ADGRA2: variants seen among roughly 807,000 people sequenced by gnomAD.
ADGRA2 encodes the protein G-protein coupled receptor 124.
A neutral mutation model predicts 98.7 loss-of-function variants in ADGRA2; 61 were observed. The observed-to-expected ratio is 0.62, with a 90% confidence interval of 0.50 to 0.76. The LOEUF (loss-of-function observed/expected upper bound fraction) is 0.76. Ranked by LOEUF, ADGRA2 falls within the 30% of genes least tolerant of loss-of-function variation. ADGRA2 has a pLI of 0.00. For missense variants in ADGRA2, 1,712 were observed against 1,860.0 expected (o/e 0.92, Z 1.46); for synonymous variants, 858 against 831.5 (o/e 1.03, Z -0.55).
intron 2 of ADGRA2, among the ~76,000 whole-genome samples, chr8:37,825,906 C>G (rs575327197): frequency 6.6e-6 from 1 of 152,244 alleles, no homozygotes; most frequent in South Asian, 2.1e-4. Flanking sequence ...AGGCTCCTCC[C>G]CAGGCGGGCT....
intron 1 of ADGRA2, among the ~76,000 whole-genome samples, chr8:37,810,521 A>T: frequency 6.6e-6 from 1 of 150,860 alleles, no homozygotes; most frequent in East Asian, 2.0e-4. Context: ...AAAAAAAAGA[A>T]AAGAAACAGG....
chr8:37,807,250 C>T (rs1386610153), intron 1 of ADGRA2, among the ~76,000 whole-genome samples: 1 of 152,174 alleles, frequency 6.6e-6, no homozygotes, highest in Admixed American at 6.5e-5. Flanking sequence ...CATTTATGTC[C>T]CTTGCAGTCA....
At chr8:37,838,912 G>A (rs768365632) in intron 14 of ADGRA2, 44 bp from the exon 15 acceptor site, 56 of 1,524,984 alleles carry the variant, frequency 3.7e-5, no homozygotes, top group Middle Eastern at 2.3e-4. Flanking sequence ...GGGGCCTGGC[G>A]AGGTGTCCAC....
intron 7 of ADGRA2, 91 bp from the exon 8 acceptor site, chr8:37,831,332 C>T: frequency 8.4e-7 from 1 of 1,194,168 alleles, no homozygotes; most frequent in East Asian, 2.4e-5. Context: ...AAAAAAGGAC[C>T]TGCAGCTAGT....
chr8:37,810,882 C>G (rs1364277549), intron 1 of ADGRA2, among the ~76,000 whole-genome samples: 1 of 151,718 alleles, frequency 6.6e-6, no homozygotes, highest in Non-Finnish European at 1.5e-5. Flanking sequence ...TTTGGGAGGC[C>G]GAGGCGAGTG....
chr8:37,833,903 TCTCA>T, intron 10 of ADGRA2, 60 bp from the exon 11 acceptor site: 3 of 1,606,160 alleles, frequency 1.9e-6, no homozygotes, highest in Non-Finnish European at 1.7e-6. Context: ...CAAGCCTCTC[TCTCA>T]CTCCAGCTCC....
Position 37,839,156 on chromosome 8 carries a change from C to G in ADGRA2, c.2387+73C>G, listed in dbSNP as rs1473435002. ...GGCCCCTACCCTGTCCACTTCCCGT[C>G]CTATGCTCCGGTACATACTTTCAAT... On this transcript the variant is annotated intron_variant, in intron 15 of 18. Coordinates refer to ENST00000412232, the MANE Select transcript of ADGRA2 (RefSeq NM_032777.10). 3.2e-6 allele frequency: 5 copies of G among 1,563,824 alleles called. No homozygotes were observed. In the African/African-American group the frequency reaches 6.8e-5, roughly 21 times the overall value.
rs7827169 is a variant in ADGRA2 at position 37,798,711 on chromosome 8, C to T, written c.266+1177C>T. 2.5e-3 allele frequency among the ~76,000 whole-genome samples: 374 copies of T among 152,372 alleles called. 5 individuals carry two copies. Among genetic ancestry groups the T allele is most frequent in the African/African-American group, 8.2e-3 (341 of 41,598 alleles). ...GCTGGCCCAGTCTTTTCGATTGTGT[C>T]CAGAACAATACAGTAACGCCTCTGG... On this transcript the variant is annotated intron_variant, in intron 1 of 18. Coordinates refer to ENST00000412232, the MANE Select transcript of ADGRA2 (RefSeq NM_032777.10).
In ADGRA2 at chr8:37,830,088, C is replaced by T. The variant is rs1204502095; in HGVS notation, c.718+74C>T. 4.0e-6 allele frequency: 4 copies of T among 1,012,648 alleles called. No individual in the cohort carries two copies. Among genetic ancestry groups the T allele is most frequent in the African/African-American group, 1.6e-5 (1 of 61,790 alleles). 62.7% of individuals were successfully genotyped at this position (1,012,648 alleles called of 1,614,324 possible). On this transcript the variant is annotated intron_variant, in intron 6 of 18. Transcript: ENST00000412232. This position sits in a 1 kb window ranked among gnomAD's most constrained non-coding sequence, Gnocchi z 4.8. ...ACCAACCCAGGGCCCAGACACGAGCCTCCCCTCAGACCCACAGGTTTTTAC... is the reference window on the plus strand; with the variant it reads ...ACCAACCCAGGGCCCAGACACGAGCTTCCCCTCAGACCCACAGGTTTTTAC...
chr8:37,831,271 G>A, intron 7 of ADGRA2, 152 bp from the exon 8 acceptor site: 1 of 688,686 alleles, frequency 1.5e-6, no homozygotes, highest in South Asian at 1.9e-5. Flanking sequence ...AGTATCATAA[G>A]GCCAATCAGA....
chr8:37,826,793 G>C (rs1289924313), intron 2 of ADGRA2, among the ~76,000 whole-genome samples: 2 of 152,174 alleles, frequency 1.3e-5, no homozygotes, highest in Non-Finnish European at 2.9e-5. Context: ...TGATGAGGTT[G>C]TGGTGGGCAG....
intron 2 of ADGRA2, among the ~76,000 whole-genome samples, chr8:37,820,519 G>C (rs1397948171): frequency 6.6e-6 from 1 of 152,234 alleles, no homozygotes; most frequent in African/African-American, 2.4e-5. Flanking sequence ...GACTCCATGG[G>C]CTGGCATGTA....
intron 1 of ADGRA2, among the ~76,000 whole-genome samples, chr8:37,813,220 C>T (rs897900332): frequency 1.3e-5 from 2 of 152,036 alleles, no homozygotes; most frequent in Non-Finnish European, 2.9e-5. Context: ...AGAGCAAGAC[C>T]TCATCTCTAA....
chr8:37,839,166 G>C lies in ADGRA2; in HGVS notation c.2387+83G>C. ...CTGTCCACTTCCCGTCCTATGCTCC[G>C]GTACATACTTTCAATTCCAGCTTTG... On this transcript the variant is annotated intron_variant, in intron 15 of 18. Coordinates refer to ENST00000412232, the MANE Select transcript of ADGRA2 (RefSeq NM_032777.10). 3 of 1,537,390 alleles carry C rather than the reference G, an allele frequency of 2.0e-6. No homozygotes were observed. In the East Asian group the frequency reaches 6.7e-5, roughly 35 times the overall value.
intron 11 of ADGRA2, 123 bp from the exon 12 acceptor site, chr8:37,835,051 T>C (rs963223286): frequency 3.2e-5 from 21 of 665,714 alleles, no homozygotes; most frequent in Non-Finnish European, 4.2e-5. Flanking sequence ...GAGAGGTGGC[T>C]TTGAAAAAAC....
chr8:37,803,600 C>T (rs1311495444), intron 1 of ADGRA2, among the ~76,000 whole-genome samples: 1 of 152,180 alleles, frequency 6.6e-6, no homozygotes, highest in Admixed American at 6.5e-5. Flanking sequence ...CCCCATCCTT[C>T]CCAAACTCCA....
intron 10 of ADGRA2, 28 bp from the exon 11 acceptor site, chr8:37,833,939 G>T (rs1805533125): frequency 6.2e-7 from 1 of 1,607,730 alleles, no homozygotes; most frequent in Non-Finnish European, 8.5e-7. Context: ...CCCCGCCCCT[G>T]CCCTCAGCAA....
chr8:37,799,946 G>C (rs1223788452), intron 1 of ADGRA2, among the ~76,000 whole-genome samples: 1 of 152,062 alleles, frequency 6.6e-6, no homozygotes, highest in African/African-American at 2.4e-5. Flanking sequence ...AGCTGGCTTC[G>C]GAAAGAAAAA....
rs1203344128 is a variant in ADGRA2, at chr8:37,832,991, T to C, written c.1098-19T>C. ...CTGAGAAGCCCGGTTCATCGGCAAC[T>C]TCCTGCCTCTCCCCCCAGGTGGCCC... On this transcript the variant is annotated intron_variant, in intron 8 of 18. Transcript: ENST00000412232. The C allele has an allele frequency of 6.2e-7, 1 of 1,602,878 alleles. No individual in the cohort carries two copies. The highest frequency in any genetic ancestry group is 1.1e-5 in the South Asian group (1 of 90,644).
Sources: allele counts gnomAD v4.1 joint callset (sites outside exome capture counted in the v4.1 genomes callset), GRCh38; gene constraint gnomAD v4.1.1; non-coding constraint Gnocchi (gnomAD v3.1); transcripts MANE v1.5; gene names NCBI Gene and HGNC (gene_info 2026-07-23, HGNC 2026-07-21).